The following NOS1AP variants were observed in gnomAD, a reference collection of about 807,000 sequenced individuals.
NOS1AP encodes nitric oxide synthase 1 adaptor protein, also known as carboxyl-terminal PDZ ligand of neuronal nitric oxide synthase protein.
In NOS1AP, 21 loss-of-function variants were observed where a neutral mutation model predicts 56.2. That is an observed-to-expected ratio of 0.37 (90% confidence interval 0.26 to 0.54). The LOEUF (loss-of-function observed/expected upper bound fraction) is 0.54, where lower values mean the gene tolerates loss of function less well. Ranked by LOEUF, NOS1AP falls within the 20% of genes least tolerant of loss-of-function variation. NOS1AP has a pLI of 0.84. For synonymous variants in NOS1AP, 270 were observed against 274.6 expected (o/e 0.98, Z 0.17); for missense variants, 522 against 657.8 (o/e 0.79, Z 2.26).
intron 8 of NOS1AP, chr1:162,364,490 A>G (rs1433433253): frequency 5.1e-6 from 5 of 985,280 alleles, no homozygotes; most frequent in African/African-American, 3.5e-5. Flanking sequence ...GTCTCCTCCC[A>G]CTGAGTTTTA....
intron 2 of NOS1AP, among the ~76,000 whole-genome samples, chr1:162,278,679 G>A (rs200259941): frequency 0.033 from 4,829 of 147,964 alleles, 128 homozygotes; most frequent in Middle Eastern, 0.066. Flanking sequence ...GTGTGTGTGT[G>A]TGTGTGTGTG....
At chr1:162,292,275 G>A (rs1299247813) in intron 3 of NOS1AP, among the ~76,000 whole-genome samples, 1 of 152,192 alleles carries the variant, frequency 6.6e-6, no homozygotes, top group Non-Finnish European at 1.5e-5. Context: ...TAGCTTTAGG[G>A]GGCAGGGACC....
intron 2 of NOS1AP, among the ~76,000 whole-genome samples, chr1:162,196,464 G>A (rs1344993769): frequency 6.6e-6 from 1 of 152,214 alleles, no homozygotes; most frequent in Non-Finnish European, 1.5e-5. Flanking sequence ...CAGAAGATGT[G>A]GTGTGCAGCA....
At chr1:162,099,699 C>G (rs1213607586) in intron 1 of NOS1AP, among the ~76,000 whole-genome samples, 3 of 151,920 alleles carry the variant, frequency 2.0e-5, no homozygotes, top group South Asian at 4.2e-4. Flanking sequence ...TGTTACATAT[C>G]TATACATGTG....
In NOS1AP at chr1:162,309,244, G is replaced by C. The variant is rs187681675; in HGVS notation, c.344+8538G>C. Among the ~76,000 whole-genome samples, 383 of 152,326 alleles carry C rather than the reference G, an allele frequency of 2.5e-3. 3 individuals are homozygous for C. Among genetic ancestry groups the C allele is most frequent in the African/African-American group, 8.9e-3 (370 of 41,574 alleles). On this transcript the variant is annotated intron_variant, in intron 4 of 9. Transcript: ENST00000361897. ...ATCAAGATGAGCAAGATTCAGGAAA[G>C]AGGAGTATGCTGAGATTCAGGAACC...
chr1:162,191,558 A>G (rs990539104), intron 2 of NOS1AP, among the ~76,000 whole-genome samples: 8 of 152,062 alleles, frequency 5.3e-5, no homozygotes, highest in Non-Finnish European at 1.2e-4. Context: ...TCTTTGATTT[A>G]CTGAATTACT....
chr1:162,274,734 T>A (rs16859446), intron 2 of NOS1AP, among the ~76,000 whole-genome samples: 20,346 of 152,172 alleles, frequency 0.13, 1,593 homozygotes, highest in African/African-American at 0.21. Context: ...GCAGATATAA[T>A]TTTTTAGCCT....
chr1:162,289,230 T>G (rs1361457152), intron 3 of NOS1AP, among the ~76,000 whole-genome samples: 3 of 20,630 alleles, frequency 1.5e-4, no homozygotes, highest in Non-Finnish European at 2.5e-4. Context: ...CCTTCCTTCC[T>G]TCCTTCCTTC....
chr1:162,310,433 G>A (rs1655986923), intron 4 of NOS1AP, among the ~76,000 whole-genome samples: 1 of 152,214 alleles, frequency 6.6e-6, no homozygotes, highest in South Asian at 2.1e-4. Context: ...AGGCAGCACA[G>A]CCTATAGATC....
Position 162,368,539 on chromosome 1 carries a change from A to C in NOS1AP, c.*1072A>C, listed in dbSNP as rs1480501976. On this transcript the variant is annotated 3_prime_UTR_variant, in exon 10 of 10. Coordinates refer to ENST00000361897, the MANE Select transcript of NOS1AP (RefSeq NM_014697.3). ...TTGTCCACTCTTCTGAATCACTGCC[A>C]CTTGGGTCAGGGACCACAGCCATTG... 6.6e-6 allele frequency: 1 copy of C among 152,182 alleles called. No individual in the cohort carries two copies. The highest frequency in any genetic ancestry group is 2.4e-5 in the African/African-American group (1 of 41,436). 9.4% of individuals were successfully genotyped at this position (152,182 alleles called of 1,614,324 possible). A position where few individuals can be genotyped will look rare whatever the true frequency, so the allele number is the denominator to read the frequency against.
At chr1:162,162,917 G>A (rs530205612) in intron 2 of NOS1AP, among the ~76,000 whole-genome samples, 82 of 151,942 alleles carry the variant, frequency 5.4e-4, no homozygotes, top group Non-Finnish European at 8.1e-4. Flanking sequence ...TGTTTGGGGC[G>A]CGAACCCCAA....
chr1:162,185,698 T>C (rs542416859), intron 2 of NOS1AP, among the ~76,000 whole-genome samples: 12 of 152,366 alleles, frequency 7.9e-5, no homozygotes, highest in Admixed American at 7.2e-4. Context: ...AGGATAGTAA[T>C]GCAGTTTCTA....
Position 162,343,920 on chromosome 1 carries a change from C to T in NOS1AP, c.539C>T (p.Ala180Val), listed in dbSNP as rs1448262420. Residue 180 changes from alanine to valine, a missense_variant, in exon 6 of 10, where the codon GCA becomes GTA. Physicochemically the swap from Ala to Val is moderately conservative, Grantham distance 64. Transcript: ENST00000361897. ...KLSLQHTQQN[A>V]DGQEDGESER... ...AGCCTGCAGCACACGCAGCAGAATG[C>T]AGATGGCCAGGAAGATGGAGAGAGC... is the stretch of plus-strand genomic sequence containing the variant. 1 of 1,614,090 alleles carries T rather than the reference C, an allele frequency of 6.2e-7. No individual in the cohort carries two copies. Among genetic ancestry groups the T allele is most frequent in the East Asian group, 2.2e-5 (1 of 44,872 alleles).
chr1:162,144,868 A>T (rs1419744068), intron 1 of NOS1AP, among the ~76,000 whole-genome samples: 1 of 152,310 alleles, frequency 6.6e-6, no homozygotes, highest in East Asian at 1.9e-4. Context: ...AGCTTTTGCT[A>T]ATGGAGACTA....
chr1:162,135,691 T>C (rs545396246), intron 1 of NOS1AP, among the ~76,000 whole-genome samples: 2 of 152,276 alleles, frequency 1.3e-5, no homozygotes, highest in African/African-American at 4.8e-5. Flanking sequence ...ACTTCTGACC[T>C]CTGGAAACTC....
intron 1 of NOS1AP, among the ~76,000 whole-genome samples, chr1:162,107,545 T>C (rs1036615969): frequency 6.6e-6 from 1 of 152,224 alleles, no homozygotes; most frequent in African/African-American, 2.4e-5. Context: ...GGTCTTGTTA[T>C]GGTGCCCAGG....
intron 5 of NOS1AP, among the ~76,000 whole-genome samples, chr1:162,336,856 G>A (rs542352950): frequency 6.6e-6 from 1 of 152,306 alleles, no homozygotes; most frequent in South Asian, 2.1e-4. Flanking sequence ...TCTGTGACTG[G>A]GAAGGATTGT....
chr1:162,369,974 G>A lies in NOS1AP; in HGVS notation c.*2507G>A, dbSNP rs1273836083. ...ACCCTGTCCTCCCTCCTTGCTTCTT[G>A]CTCTGCTAACTCAACTCTGCCTTCC... On this transcript the variant is annotated 3_prime_UTR_variant, in exon 10 of 10. Coordinates refer to ENST00000361897, the MANE Select transcript of NOS1AP (RefSeq NM_014697.3). The A allele has an allele frequency of 6.6e-6, 1 of 152,564 alleles. No individual in the cohort carries two copies. The highest frequency in any genetic ancestry group is 1.5e-5 in the Non-Finnish European group (1 of 68,338). 9.5% of individuals were successfully genotyped at this position (152,564 alleles called of 1,614,324 possible).
Position 162,355,320 on chromosome 1 carries a change from A to G in NOS1AP, c.729A>G (p.Val243=), listed in dbSNP as rs781108751. 1.2e-5 allele frequency: 20 copies of G among 1,614,048 alleles called. No homozygotes were observed. Among genetic ancestry groups the G allele is most frequent in the Middle Eastern group, 1.6e-4 (1 of 6,084 alleles). The part of the protein sequence containing the change: ...FSRGVTDLDA[V]GKEGGSHTGS... ...GAGGTGTGACTGATCTAGATGCTGT[A>G]GGGAAGGAAGGAGGCTCTCACACAG... Residue 243 remains valine, a synonymous_variant, in exon 7 of 10, where the codon GTA becomes GTG. Coordinates refer to ENST00000361897, the MANE Select transcript of NOS1AP (RefSeq NM_014697.3).
Sources: allele counts gnomAD v4.1 joint callset (sites outside exome capture counted in the v4.1 genomes callset), GRCh38; gene constraint gnomAD v4.1.1; transcripts MANE v1.5; gene names NCBI Gene and HGNC (gene_info 2026-07-23, HGNC 2026-07-21).